Variants in CA10 observed in about 807,000 individuals in gnomAD.
CA10 encodes carbonic anhydrase-related protein 10.
CA10 carries 14 observed loss-of-function variants against 44.2 expected under a neutral mutation model. The ratio of observed to expected loss-of-function variants is 0.32; its 90% CI spans 0.21 to 0.50. CA10 has a LOEUF of 0.50. Ranked by LOEUF, CA10 falls within the 20% of genes least tolerant of loss-of-function variation. The pLI, the probability that CA10 is intolerant of heterozygous loss-of-function variation, is 0.99. For synonymous variants in CA10, 159 were observed against 141.6 expected (o/e 1.12, Z -0.87); for missense variants, 350 against 409.7 (o/e 0.85, Z 1.26).
At chr17:52,027,298 C>T (rs1371194474) in intron 2 of CA10, among the ~76,000 whole-genome samples, 1 of 152,056 alleles carries the variant, frequency 6.6e-6, no homozygotes, top group African/African-American at 2.4e-5. Flanking sequence ...CCCTCACTCA[C>T]CTGTTGCTGC....
intron 3 of CA10, among the ~76,000 whole-genome samples, chr17:51,776,861 C>T (rs577802293): frequency 9.1e-4 from 139 of 152,228 alleles, no homozygotes; most frequent in Middle Eastern, 6.8e-3. Flanking sequence ...TGTAGCGGGG[C>T]GTGGGAGTCA....
chr17:51,643,363 C>G (rs1411212706), intron 6 of CA10, among the ~76,000 whole-genome samples: 1 of 152,172 alleles, frequency 6.6e-6, no homozygotes, highest in Non-Finnish European at 1.5e-5. Context: ...TTACCAATAT[C>G]TCCTCCAGAA....
intron 3 of CA10, among the ~76,000 whole-genome samples, chr17:51,926,208 C>T (rs776769733): frequency 1.8e-4 from 28 of 152,070 alleles, no homozygotes; most frequent in Non-Finnish European, 3.5e-4. Context: ...AACTTAGACC[C>T]CACAGCATTG....
At chr17:52,104,253 A>C (rs1388066310) in intron 1 of CA10, among the ~76,000 whole-genome samples, 1 of 150,382 alleles carries the variant, frequency 6.6e-6, no homozygotes, top group East Asian at 2.0e-4. Context: ...GCTGAAGTGC[A>C]GTGGCACAAT....
intron 1 of CA10, among the ~76,000 whole-genome samples, chr17:52,100,941 A>G (rs1988523476): frequency 6.6e-6 from 1 of 152,106 alleles, no homozygotes; most frequent in Non-Finnish European, 1.5e-5. Context: ...CCTTCTAAAT[A>G]TTTTTCGCTA....
intron 3 of CA10, among the ~76,000 whole-genome samples, chr17:51,838,276 C>G (rs1412224174): frequency 6.6e-6 from 1 of 152,208 alleles, no homozygotes; most frequent in Non-Finnish European, 1.5e-5. Context: ...AACCATCTTG[C>G]CTGAGTCTCA....
intron 2 of CA10, among the ~76,000 whole-genome samples, chr17:51,961,193 A>T (rs397843598): frequency 0.015 from 1,578 of 104,748 alleles, 35 homozygotes; most frequent in African/African-American, 0.05. Flanking sequence ...ACACAAACAC[A>T]CACACACACA....
intron 2 of CA10, among the ~76,000 whole-genome samples, chr17:52,007,528 T>G (rs1357800490): frequency 1.3e-5 from 2 of 151,618 alleles, no homozygotes; most frequent in African/African-American, 4.8e-5. Context: ...AGAATTATAC[T>G]GAGAGATTTT....
At chr17:51,880,789 T>C (rs936580794) in intron 3 of CA10, among the ~76,000 whole-genome samples, 2 of 152,100 alleles carry the variant, frequency 1.3e-5, no homozygotes, top group African/African-American at 4.8e-5. Flanking sequence ...CGTGGAAGCA[T>C]GAAAAAAACC....
At chr17:51,984,764 A>C (rs1012684123) in intron 2 of CA10, among the ~76,000 whole-genome samples, 3 of 152,012 alleles carry the variant, frequency 2.0e-5, no homozygotes, top group African/African-American at 7.2e-5. Flanking sequence ...AACCTAGATG[A>C]GATGAATAAG....
intron 2 of CA10, among the ~76,000 whole-genome samples, chr17:51,988,678 A>T (rs531220824): frequency 6.6e-6 from 1 of 152,000 alleles, no homozygotes; most frequent in Non-Finnish European, 1.5e-5. Context: ...CCTTTCTACT[A>T]GTGTCAGGTT....
chr17:52,072,108 C>A (rs1008478459), intron 2 of CA10, among the ~76,000 whole-genome samples: 1 of 152,144 alleles, frequency 6.6e-6, no homozygotes, highest in African/African-American at 2.4e-5. Flanking sequence ...TGAGGGCATC[C>A]TATAGATTGA....
At chr17:52,119,349 C>T (rs1369606230) in intron 1 of CA10, among the ~76,000 whole-genome samples, 1 of 152,122 alleles carries the variant, frequency 6.6e-6, no homozygotes, top group Non-Finnish European at 1.5e-5. Flanking sequence ...AAAGCTTTGA[C>T]TGGAAGGGTA....
chr17:51,948,575 G>A (rs1009371488), intron 2 of CA10, among the ~76,000 whole-genome samples: 5 of 152,132 alleles, frequency 3.3e-5, no homozygotes, highest in South Asian at 2.1e-4. Context: ...TGTGCTCTCC[G>A]ATGCTCAGCT....
chr17:51,895,640 C>T (rs1169435202), intron 3 of CA10, among the ~76,000 whole-genome samples: 1 of 151,890 alleles, frequency 6.6e-6, no homozygotes, highest in Non-Finnish European at 1.5e-5. Flanking sequence ...ACAGAAGAGG[C>T]ACAAAGTAAA....
intron 3 of CA10, among the ~76,000 whole-genome samples, chr17:51,857,594 C>T (rs112866011): frequency 7.2e-5 from 11 of 152,266 alleles, no homozygotes; most frequent in Admixed American, 2.6e-4. Context: ...GAGACACACA[C>T]GGCTTCATGC....
At chr17:51,948,249 T>A (rs1842389046) in intron 2 of CA10, among the ~76,000 whole-genome samples, 1 of 152,174 alleles carries the variant, frequency 6.6e-6, no homozygotes, top group African/African-American at 2.4e-5. Context: ...ATATTTCTGC[T>A]TTGTCAGCTC....
At chr17:52,080,109 C>T (rs1464359867) in intron 1 of CA10, among the ~76,000 whole-genome samples, 1 of 152,142 alleles carries the variant, frequency 6.6e-6, no homozygotes, top group Non-Finnish European at 1.5e-5. Flanking sequence ...ATATTGATGG[C>T]GGGTAGCCCG....
At chr17:52,099,344 G>A (rs1434411241) in intron 1 of CA10, among the ~76,000 whole-genome samples, 1 of 152,060 alleles carries the variant, frequency 6.6e-6, no homozygotes, top group South Asian at 2.1e-4. Context: ...CATAAGTCAG[G>A]GTCAGGAGTA....
Sources: allele counts gnomAD v4.1 joint callset (sites outside exome capture counted in the v4.1 genomes callset), GRCh38; gene constraint gnomAD v4.1.1; transcripts MANE v1.5; gene names NCBI Gene and HGNC (gene_info 2026-07-23, HGNC 2026-07-21).